Variants in GSN observed in about 807,000 individuals in gnomAD.
GSN encodes the protein gelsolin.
GSN carries 56 observed loss-of-function variants against 85.7 expected under a neutral mutation model. That is an observed-to-expected ratio of 0.65 (90% CI 0.53 to 0.82). The LOEUF is 0.82. Among genes scored for constraint, GSN ranks in the 40% least tolerant of loss-of-function variants. The pLI is 0.00. For synonymous variants in GSN, 373 were observed against 399.1 expected (o/e 0.93, Z 0.78); for missense variants, 857 against 979.8 (o/e 0.87, Z 1.67).
upstream of GSN, among the ~76,000 whole-genome samples, chr9:121,204,131 C>T (rs1237590198): frequency 6.6e-6 from 1 of 152,230 alleles, no homozygotes; most frequent in Non-Finnish European, 1.5e-5. Flanking sequence ...TCAACACTTA[C>T]TATGTACCAG....
chr9:121,306,324 C>G (rs2060416515), intron 4 of GSN, among the ~76,000 whole-genome samples: 1 of 152,212 alleles, frequency 6.6e-6, no homozygotes, highest in African/African-American at 2.4e-5. Context: ...CAAGCCTGAT[C>G]AATTCATTTT....
intron 6 of GSN, among the ~76,000 whole-genome samples, chr9:121,260,684 G>T (rs2132275434): frequency 6.6e-6 from 1 of 152,336 alleles, no homozygotes; most frequent in East Asian, 1.9e-4. Flanking sequence ...CAGAGGAGTG[G>T]ATGACTTGCC....
intron 1 of GSN, among the ~76,000 whole-genome samples, chr9:121,276,431 A>C (rs1014495016): frequency 5.9e-5 from 9 of 152,206 alleles, no homozygotes; most frequent in Non-Finnish European, 8.8e-5. Context: ...GCTAGAGCCC[A>C]CGCCAGGTCC....
intron 10 of GSN, 143 bp downstream of exon 10, chr9:121,319,023 C>G: frequency 1.4e-6 from 1 of 722,612 alleles, no homozygotes; most frequent in Non-Finnish European, 2.4e-6. Context: ...TTAGTTTTTA[C>G]AGCCAATGCA....
intron 2 of GSN, chr9:121,300,168 G>A (rs765590972): frequency 7.1e-7 from 1 of 1,414,616 alleles, no homozygotes; most frequent in Non-Finnish European, 1.0e-6. Flanking sequence ...GCTCGCAGAC[G>A]AGGGTGGGAG....
At chr9:121,217,820 T>TATTATTATC (rs2054095660) in intron 4 of GSN, among the ~76,000 whole-genome samples, 1 of 148,264 alleles carries the variant, frequency 6.7e-6, no homozygotes, top group Non-Finnish European at 1.5e-5. Flanking sequence ...TTATTATTAT[T>TATTATTATC]ATTATTATTA....
intron 1 of GSN, chr9:121,280,946 G>C (rs555166252): frequency 9.2e-5 from 14 of 152,612 alleles, no homozygotes; most frequent in African/African-American, 3.4e-4. Flanking sequence ...GGAGGTGAGA[G>C]TCCTGCTTGC....
chr9:121,321,495 G>A (rs1401915857), intron 11 of GSN, 94 bp downstream of exon 11: 3 of 1,228,800 alleles, frequency 2.4e-6, no homozygotes, highest in Non-Finnish European at 3.5e-6. Context: ...GGCCTGAGGT[G>A]GGACCACCAC....
intron 8 of GSN, 25 bp downstream of exon 8, chr9:121,317,243 C>T: frequency 6.2e-7 from 1 of 1,613,258 alleles, no homozygotes; most frequent in South Asian, 1.1e-5. Context: ...GAAAGGGTCC[C>T]AACTGGCCTG....
At chr9:121,235,662 G>A (rs2054478087) in intron 5 of GSN, among the ~76,000 whole-genome samples, 1 of 152,184 alleles carries the variant, frequency 6.6e-6, no homozygotes, top group Admixed American at 6.5e-5. Context: ...CGGTGCAGCT[G>A]GGTTCTGGCT....
rs576805431 is a variant in GSN at position 121,239,099 on chromosome 9, C to T, written c.-389+7796C>T. Reference sequence around the variant, plus strand: ...AGAGTAGGAATTTGAGTAATTGAGCCATTTCTACCTTCTCCTCGACCTGCA... The same window carrying T: ...AGAGTAGGAATTTGAGTAATTGAGCTATTTCTACCTTCTCCTCGACCTGCA... On this transcript the variant is annotated intron_variant, in intron 5 of 24. Coordinates refer to the GSN transcript ENST00000373823. 3.5e-5 allele frequency: 13 copies of T among 367,690 alleles called. No homozygotes were observed. In the East Asian group the frequency reaches 8.8e-4, roughly 25 times the overall value. The allele number at this position is 367,690 out of a possible 1,614,324, so 22.8% of individuals were successfully genotyped here.
intron 2 of GSN, among the ~76,000 whole-genome samples, chr9:121,291,864 G>C (rs2058726533): frequency 6.6e-6 from 1 of 151,942 alleles, no homozygotes; most frequent in African/African-American, 2.4e-5. Context: ...GTAAGTGCTA[G>C]GACTGGGATC....
intron 4 of GSN, among the ~76,000 whole-genome samples, chr9:121,211,920 G>C (rs1411495537): frequency 6.6e-6 from 1 of 152,164 alleles, no homozygotes; most frequent in Non-Finnish European, 1.5e-5. Context: ...GAATCTCTGA[G>C]GGCTCTGATA....
At chr9:121,226,172 C>T (rs1376656483) in intron 4 of GSN, among the ~76,000 whole-genome samples, 1 of 152,162 alleles carries the variant, frequency 6.6e-6, no homozygotes, top group East Asian at 1.9e-4. Flanking sequence ...TGGGAGCTCA[C>T]CCAGGCTCTT....
intron 5 of GSN, among the ~76,000 whole-genome samples, chr9:121,231,850 C>T (rs979773295): frequency 7.9e-5 from 12 of 152,224 alleles, no homozygotes; most frequent in African/African-American, 1.9e-4. Flanking sequence ...GGTGCCAAAG[C>T]GGTCTCAGGA....
chr9:121,319,030 T>A (rs1399713548), intron 10 of GSN, 150 bp downstream of exon 10: 1 of 711,702 alleles, frequency 1.4e-6, no homozygotes, highest in Non-Finnish European at 2.5e-6. Flanking sequence ...TTACAGCCAA[T>A]GCACCCTGTG....
upstream of GSN, chr9:121,203,528 CCCTG>C (rs2053837080): frequency 6.6e-6 from 1 of 152,336 alleles, no homozygotes; most frequent in Admixed American, 6.5e-5. Context: ...GATAAGGTGG[CCCTG>C]CCTTAGTTCC....
chr9:121,224,741 G>GAA (rs11374663), intron 4 of GSN, among the ~76,000 whole-genome samples: 124 of 114,292 alleles, frequency 1.1e-3, no homozygotes, highest in African/African-American at 1.9e-3. Flanking sequence ...TAGGCTACCT[G>GAA]AAAAAAAAAA....
chr9:121,253,917 TG>T (rs930172782), intron 6 of GSN, among the ~76,000 whole-genome samples: 1 of 152,206 alleles, frequency 6.6e-6, no homozygotes, highest in Non-Finnish European at 1.5e-5. Flanking sequence ...GCAGGGCTCT[TG>T]GGGTGACCCT....
Sources: allele counts gnomAD v4.1 joint callset (sites outside exome capture counted in the v4.1 genomes callset), GRCh38; gene constraint gnomAD v4.1.1; transcripts MANE v1.5; gene names NCBI Gene and HGNC (gene_info 2026-07-23, HGNC 2026-07-21).